The following TPR variants were observed in gnomAD, a reference collection of about 807,000 sequenced individuals.
TPR encodes the protein translocated promoter region, nuclear basket protein, also known as nucleoprotein TPR.
Under a neutral mutation model 316.1 loss-of-function variants are expected in TPR, and 51 were observed. The observed-to-expected ratio is 0.16, with a 90% CI of 0.13 to 0.20. TPR has a LOEUF of 0.20. Ranked by LOEUF, TPR falls within the 10% of genes least tolerant of loss-of-function variation. The pLI, the probability that TPR is intolerant of heterozygous loss-of-function variation, is 1.00. For synonymous variants in TPR, 981 were observed against 914.7 expected (o/e 1.07, Z -1.31); for missense variants, 2,272 against 2,754.8 (o/e 0.82, Z 3.92).
chr1:186,347,572 G>A, intron 21 of TPR, 114 bp from the exon 22 acceptor site: 1 of 1,121,506 alleles, frequency 8.9e-7, no homozygotes, highest in Non-Finnish European at 1.2e-6. Flanking sequence ...TATTTAGAAA[G>A]TATATTTCAA....
chr1:186,356,208 C>T, intron 15 of TPR, 78 bp downstream of exon 15: 1 of 1,291,702 alleles, frequency 7.7e-7, no homozygotes. Flanking sequence ...ATTAGAGTGG[C>T]TATTGCTTAT....
chr1:186,343,883 G>C, intron 26 of TPR, 23 bp downstream of exon 26: 3 of 1,586,752 alleles, frequency 1.9e-6, no homozygotes, highest in Non-Finnish European at 2.6e-6. Context: ...CCACAGAAAT[G>C]AAGCAGTAAG....
At chr1:186,334,974 A>T in intron 35 of TPR, 94 bp downstream of exon 35, 1 of 1,281,180 alleles carries the variant, frequency 7.8e-7, no homozygotes, top group Non-Finnish European at 1.1e-6. Context: ...TTACAATAGA[A>T]TACACAGATT....
chr1:186,353,303 C>T (rs1255158170), intron 18 of TPR, among the ~76,000 whole-genome samples: 1 of 149,878 alleles, frequency 6.7e-6, no homozygotes, highest in Non-Finnish European at 1.5e-5. Flanking sequence ...ACCCGGGAGG[C>T]GGAGCTTGCA....
chr1:186,337,988 C>T (rs996765056), intron 31 of TPR, 45 bp downstream of exon 31: 1 of 1,439,304 alleles, frequency 6.9e-7, no homozygotes, highest in Non-Finnish European at 9.3e-7. Context: ...GATTTCATAA[C>T]ATTCATCCTA....
At chr1:186,347,524 G>C (rs3753564) in intron 21 of TPR, 66 bp from the exon 22 acceptor site, 494,053 of 1,514,720 alleles carry the variant, frequency 0.33, 83,135 homozygotes, top group Admixed American at 0.43. Flanking sequence ...CTGTTATAAA[G>C]AGCTTATGAA....
chr1:186,374,557 T>C (rs1044092554), intron 1 of TPR, among the ~76,000 whole-genome samples: 1 of 152,144 alleles, frequency 6.6e-6, no homozygotes, highest in Non-Finnish European at 1.5e-5. Context: ...ACAAAACATA[T>C]AAGGTACTCT....
chr1:186,363,331 C>T lies in TPR; in HGVS notation c.531+11G>A, dbSNP rs772308324. 6.3e-7 allele frequency: 1 copy of T among 1,596,952 alleles called. No homozygotes were observed. Among genetic ancestry groups the T allele is most frequent in the Non-Finnish European group, 8.6e-7 (1 of 1,165,866 alleles). ...CTATAGTTTATGCATTAGGAATCAT[C>T]TGGTACTTGCCTTAACAGAAACATC... is the stretch of plus-strand genomic sequence containing the variant. On this transcript the variant is annotated intron_variant, in intron 5 of 50. Transcript: ENST00000367478.
intron 7 of TPR, 119 bp from the exon 8 acceptor site, chr1:186,361,988 T>C: frequency 1.2e-6 from 1 of 849,570 alleles, no homozygotes; most frequent in African/African-American, 1.7e-5. Context: ...AACACTCAAA[T>C]TCAAATCAGT....
At chr1:186,319,399 G>A (rs1657707593) in intron 46 of TPR, among the ~76,000 whole-genome samples, 1 of 152,076 alleles carries the variant, frequency 6.6e-6, no homozygotes, top group Admixed American at 6.5e-5. Context: ...TAATTTTATT[G>A]AGTATCCAAC....
At chr1:186,364,717 A>G (rs1305579700) in intron 4 of TPR, among the ~76,000 whole-genome samples, 1 of 152,242 alleles carries the variant, frequency 6.6e-6, no homozygotes, top group African/African-American at 2.4e-5. Flanking sequence ...ACCAAGAAAC[A>G]GCAGATGCTG....
At position 186,350,329 on chromosome 1, in the gene TPR, T is replaced by C. The variant is rs1658822033; in HGVS notation, c.2670A>G (p.Thr890=). The C allele has an allele frequency of 2.5e-6, 4 of 1,613,574 alleles. No individual in the cohort carries two copies. The highest frequency in any genetic ancestry group is 3.4e-6 in the Non-Finnish European group (4 of 1,179,702). ...TTTGAGCATTTTTTAATAGTTCTTTTGTGTTAAGATGAAGATTTGTCTCTG... is the reference window on the plus strand; with the variant it reads ...TTTGAGCATTTTTTAATAGTTCTTTCGTGTTAAGATGAAGATTTGTCTCTG... ...LDTETNLHLN[T]KELLKNAQKE... The change falls in exon 21 of 51, where the codon ACA becomes ACG. Residue 890 remains threonine, a synonymous_variant. Transcript: ENST00000367478.
intron 32 of TPR, 76 bp downstream of exon 32, chr1:186,336,937 G>A: frequency 6.3e-7 from 1 of 1,584,804 alleles, no homozygotes; most frequent in Non-Finnish European, 8.6e-7. Context: ...GTAAGACAAA[G>A]TGTCAGTAGT....
chr1:186,326,343 T>G (rs567247476), intron 40 of TPR, 108 bp from the exon 41 acceptor site: 1 of 1,490,720 alleles, frequency 6.7e-7, no homozygotes, highest in East Asian at 2.5e-5. Flanking sequence ...AATCAGAAGA[T>G]AGGAATTGTC....
At position 186,313,679 on chromosome 1, in the gene TPR, A is replaced by C; in HGVS notation, c.*292T>G. ...TAAAAAAATGTTTTCTCTTCCATTT[A>C]GATCAATACTATAACATTGATGTGC... On this transcript the variant is annotated 3_prime_UTR_variant, in exon 51 of 51. Coordinates refer to ENST00000367478, the MANE Select transcript of TPR (RefSeq NM_003292.3). The C allele has an allele frequency of 6.4e-7, 1 of 1,572,568 alleles. No homozygotes were observed. The highest frequency in any genetic ancestry group is 8.8e-7 in the Non-Finnish European group (1 of 1,142,644).
chr1:186,327,627 C>G lies in TPR; in HGVS notation c.5722G>C (p.Asp1908His), dbSNP rs769771632. Residue 1908 changes from aspartate to histidine, a missense_variant, in exon 40 of 51, where the codon GAC (aspartate) becomes CAC (histidine). Asp to His is a moderately conservative substitution (Grantham distance 81). Coordinates refer to ENST00000367478, the MANE Select transcript of TPR (RefSeq NM_003292.3). ...VTQGDYTPME[D>H]SEETSQSLQI... ...AGAGACTGAGAGGTTTCTTCACTGT[C>G]TTCCATAGGTGTATAATCTCCCTGG... The G allele has an allele frequency of 6.2e-7, 1 of 1,613,114 alleles. No homozygotes were observed. Among genetic ancestry groups the G allele is most frequent in the South Asian group, 1.1e-5 (1 of 91,064 alleles).
At chr1:186,360,213 A>C in intron 11 of TPR, 60 bp downstream of exon 11, 2 of 1,536,208 alleles carry the variant, frequency 1.3e-6, no homozygotes, top group Non-Finnish European at 1.8e-6. Context: ...TAAATTTTGA[A>C]GAGATTTGTA....
chr1:186,344,121 AT>A, intron 25 of TPR, 31 bp from the exon 26 acceptor site: 1 of 1,584,002 alleles, frequency 6.3e-7, no homozygotes, highest in Non-Finnish European at 8.6e-7. Context: ...AGAATAACAG[AT>A]TTTCCAATGC....
chr1:186,352,356 CCA>C (rs754520940), intron 18 of TPR, among the ~76,000 whole-genome samples: 8 of 151,964 alleles, frequency 5.3e-5, no homozygotes, highest in Non-Finnish European at 7.4e-5. Flanking sequence ...CTCTAACAAT[CCA>C]CAGTTTAAAA....
Sources: gnomAD v4.1 joint callset for allele counts (sites outside exome capture counted in the v4.1 genomes callset) on GRCh38, gnomAD v4.1.1 for gene constraint, MANE v1.5 for transcripts, NCBI Gene and HGNC (gene_info 2026-07-23, HGNC 2026-07-21) for gene names.